ALPK2: variants seen among roughly 807,000 people sequenced by gnomAD.
The protein encoded by ALPK2 is alpha kinase 2.
Under a neutral mutation model 163.1 loss-of-function variants are expected in ALPK2, and 127 were observed. The observed-to-expected ratio is 0.78, with a 90% CI of 0.67 to 0.90. The LOEUF (loss-of-function observed/expected upper bound fraction) is 0.90, where lower values mean the gene tolerates loss of function less well. ALPK2 is among the 40% of genes least tolerant of loss of function. The probability of loss-of-function intolerance (pLI) is 0.00; values close to 1 mark genes in which losing one functional copy is unlikely to be tolerated. For synonymous variants in ALPK2, 953 were observed against 959.1 expected (o/e 0.99, Z 0.12); for missense variants, 2,360 against 2,589.6 (o/e 0.91, Z 1.92).
intron 12 of ALPK2, among the ~76,000 whole-genome samples, chr18:58,491,445 A>G (rs1412023548): frequency 6.6e-6 from 1 of 152,232 alleles, no homozygotes; most frequent in East Asian, 1.9e-4. Flanking sequence ...ATGACATCAC[A>G]ATTGTAAAAC....
chr18:58,574,979 C>T (rs949466226), intron 4 of ALPK2, among the ~76,000 whole-genome samples: 12 of 152,074 alleles, frequency 7.9e-5, no homozygotes, highest in Admixed American at 2.6e-4. Flanking sequence ...TTTGGGAGGC[C>T]GAGGCAGGTG....
intron 4 of ALPK2, among the ~76,000 whole-genome samples, chr18:58,545,825 C>T (rs1037784947): frequency 3.3e-5 from 5 of 152,138 alleles, no homozygotes; most frequent in African/African-American, 9.7e-5. Flanking sequence ...TTCCAGGAAA[C>T]TTTAAATGAG....
Position 58,537,166 on chromosome 18 carries a change from G to A in ALPK2, c.3021C>T (p.Asp1007=), listed in dbSNP as rs149103820. The change falls in exon 5 of 13, where the codon GAC becomes GAT. Residue 1007 remains aspartate (D), a synonymous_variant. Transcript: ENST00000361673. ...CGGTGGCAATGGTAACAGTTGATGT[G>A]TCCTCAGTCTCCCTGGTCGCTTGAA... The part of the protein sequence containing the change: ...ECFQATRETE[D]TSTVTIATEV... 2.2e-4 allele frequency: 85 copies of A among 378,934 alleles called. 1 individual carries two copies. In the African/African-American group the frequency reaches 3.5e-3, roughly 16 times the overall value. 23.5% of individuals were successfully genotyped at this position (378,934 alleles called of 1,614,324 possible).
intron 6 of ALPK2, 42 bp from the exon 7 acceptor site, chr18:58,524,104 A>G (rs1217737731): frequency 3.8e-6 from 6 of 1,576,730 alleles, no homozygotes; most frequent in Non-Finnish European, 5.2e-6. Flanking sequence ...TCATCATTCT[A>G]CAGTTGCATT....
chr18:58,622,138 G>A (rs1476168769), intron 1 of ALPK2, among the ~76,000 whole-genome samples: 2 of 152,034 alleles, frequency 1.3e-5, no homozygotes, highest in Non-Finnish European at 2.9e-5. Context: ...CCTGAGGTCA[G>A]GAGTTCGAGA....
intron 4 of ALPK2, among the ~76,000 whole-genome samples, chr18:58,568,796 G>T (rs933594209): frequency 6.6e-6 from 1 of 152,150 alleles, no homozygotes; most frequent in South Asian, 2.1e-4. Flanking sequence ...TGAACAGGAG[G>T]ATGTATATAA....
chr18:58,527,200 A>G (rs540482957), intron 6 of ALPK2, among the ~76,000 whole-genome samples: 1 of 152,358 alleles, frequency 6.6e-6, no homozygotes, highest in South Asian at 2.1e-4. Flanking sequence ...AAATGATACA[A>G]GACAGTGACA....
At chr18:58,502,278 C>A (rs1350646563) in intron 11 of ALPK2, among the ~76,000 whole-genome samples, 1 of 151,894 alleles carries the variant, frequency 6.6e-6, no homozygotes, top group Non-Finnish European at 1.5e-5. Flanking sequence ...TCACTTGAGT[C>A]CAGGAGGTTG....
intron 3 of ALPK2, among the ~76,000 whole-genome samples, chr18:58,601,665 A>G (rs902662096): frequency 6.6e-6 from 1 of 152,146 alleles, no homozygotes; most frequent in Non-Finnish European, 1.5e-5. Context: ...GGGCTAGCCA[A>G]CAGCAATATC....
chr18:58,485,751 TC>T (rs2051335415), intron 12 of ALPK2, among the ~76,000 whole-genome samples: 1 of 152,036 alleles, frequency 6.6e-6, no homozygotes, highest in Non-Finnish European at 1.5e-5. Flanking sequence ...CAGGGCCTGC[TC>T]CGTCAGGATG....
At chr18:58,524,346 T>C (rs962035844) in intron 6 of ALPK2, among the ~76,000 whole-genome samples, 2 of 152,160 alleles carry the variant, frequency 1.3e-5, no homozygotes, top group African/African-American at 4.8e-5. Context: ...GTTGTTAACA[T>C]TTCTGCTCAG....
At chr18:58,486,644 C>G (rs143265457) in intron 12 of ALPK2, among the ~76,000 whole-genome samples, 213 of 152,316 alleles carry the variant, frequency 1.4e-3, no homozygotes, top group African/African-American at 4.9e-3. Flanking sequence ...CAGTGTTGAA[C>G]TTCCCTTTCC....
intron 1 of ALPK2, among the ~76,000 whole-genome samples, chr18:58,624,612 G>A (rs1007686378): frequency 2.6e-5 from 4 of 152,148 alleles, no homozygotes; most frequent in Non-Finnish European, 5.9e-5. Context: ...GTGCCAGCAT[G>A]CCCAGCTAAT....
chr18:58,563,471 C>CT (rs1436792517), intron 4 of ALPK2, among the ~76,000 whole-genome samples: 2 of 152,140 alleles, frequency 1.3e-5, no homozygotes, highest in Non-Finnish European at 2.9e-5. Context: ...GACTTTGAGA[C>CT]TGACTCATTT....
At chr18:58,553,867 T>G (rs1409642752) in intron 4 of ALPK2, among the ~76,000 whole-genome samples, 3 of 130,264 alleles carry the variant, frequency 2.3e-5, no homozygotes, top group Admixed American at 7.7e-5. Context: ...TTTTTTTTTT[T>G]TTTTTTTTTT....
At chr18:58,488,375 G>T (rs2051351282) in intron 12 of ALPK2, among the ~76,000 whole-genome samples, 1 of 149,484 alleles carries the variant, frequency 6.7e-6, no homozygotes, top group Non-Finnish European at 1.5e-5. Context: ...TCCTAATAAT[G>T]AATGGCATAG....
intron 11 of ALPK2, among the ~76,000 whole-genome samples, chr18:58,503,082 G>A (rs2051440882): frequency 2.0e-5 from 3 of 152,336 alleles, no homozygotes; most frequent in Middle Eastern, 3.4e-3. Flanking sequence ...TAAGCCATTT[G>A]TATGTGAGTA....
chr18:58,602,301 A>G (rs1380752175), intron 3 of ALPK2, among the ~76,000 whole-genome samples: 2 of 152,150 alleles, frequency 1.3e-5, no homozygotes, highest in Admixed American at 6.5e-5. Flanking sequence ...TTGCTTGGCT[A>G]CCCCATGTAT....
intron 4 of ALPK2, among the ~76,000 whole-genome samples, chr18:58,560,172 C>G (rs530503793): frequency 6.6e-6 from 1 of 152,164 alleles, no homozygotes; most frequent in East Asian, 1.9e-4. Flanking sequence ...TTTCCCGCAC[C>G]GTTCTCATGA....
Sources: gnomAD v4.1 joint callset for allele counts (sites outside exome capture counted in the v4.1 genomes callset) on GRCh38, gnomAD v4.1.1 for gene constraint, MANE v1.5 for transcripts, NCBI Gene and HGNC (gene_info 2026-07-23, HGNC 2026-07-21) for gene names.